NFIB: variants seen among roughly 807,000 people sequenced by gnomAD.
The protein encoded by NFIB is nuclear factor I B.
Under a neutral mutation model 61.5 loss-of-function variants are expected in NFIB, and 11 were observed. That is an observed-to-expected ratio of 0.18 (90% CI 0.11 to 0.30). The LOEUF (loss-of-function observed/expected upper bound fraction) is 0.30, where lower values mean the gene tolerates loss of function less well. Ranked by LOEUF, NFIB falls within the 10% of genes least tolerant of loss-of-function variation. The pLI, the probability that NFIB is intolerant of heterozygous loss-of-function variation, is 1.00. For missense variants in NFIB, 471 were observed against 608.9 expected (o/e 0.77, Z 2.38); for synonymous variants, 260 against 216.5 (o/e 1.20, Z -1.76).
intron 2 of NFIB, among the ~76,000 whole-genome samples, chr9:14,231,120 GAAAAAAA>G (rs1188458970): frequency 1.5e-5 from 1 of 65,808 alleles, no homozygotes; most frequent in African/African-American, 5.8e-5. Flanking sequence ...TTTCCATGGG[GAAAAAAA>G]AAAAAAAAAT....
At position 14,179,255 on chromosome 9, in the gene NFIB, A is replaced by G. The variant is rs539233641; in HGVS notation, c.616+472T>C. 3.3e-5 allele frequency among the ~76,000 whole-genome samples: 5 copies of G among 152,310 alleles called. No individual in the cohort carries two copies. The South Asian group carries it at 6.2e-4, about 19-fold the overall frequency. On this transcript the variant is annotated intron_variant, in intron 3 of 10. Transcript: ENST00000380953. The stretch of plus-strand genomic sequence containing the variant: ...ATTATTTCCTGATTCTGGAGATCCA[A>G]TAAAAACTTTATGGAATAAAAAGTC...
chr9:14,531,548 G>A, the NFIB span, among the ~76,000 whole-genome samples: 2 of 152,238 alleles, frequency 1.3e-5, no homozygotes, highest in Admixed American at 1.3e-4. Flanking sequence ...AGGAGCTGCA[G>A]AAAGAAGTAC....
chr9:14,246,766 C>T (rs1241368675), intron 2 of NFIB, among the ~76,000 whole-genome samples: 2 of 152,150 alleles, frequency 1.3e-5, no homozygotes, highest in African/African-American at 4.8e-5. Flanking sequence ...GTGTGGTTCA[C>T]AGAAAACCAC....
At chr9:14,222,806 A>AAAAAAAAAAG (rs1253170447) in intron 2 of NFIB, among the ~76,000 whole-genome samples, 6 of 150,518 alleles carry the variant, frequency 4.0e-5, no homozygotes, top group Non-Finnish European at 7.4e-5. Flanking sequence ...AAAAAAAAAA[A>AAAAAAAAAAG]AAAGAAAGAA....
At chr9:14,436,545 A>G in the NFIB span, among the ~76,000 whole-genome samples, 1 of 152,154 alleles carries the variant, frequency 6.6e-6, no homozygotes, top group Non-Finnish European at 1.5e-5. Flanking sequence ...ACAGTTACCA[A>G]ATTTCTCCTG....
chr9:14,093,390 ATACTC>A, intron 10 of NFIB: 1 of 152,214 alleles, frequency 6.6e-6, no homozygotes, highest in South Asian at 2.1e-4. Context: ...AAGATAGTAA[ATACTC>A]TTTCAAGAAG....
intron 2 of NFIB, among the ~76,000 whole-genome samples, chr9:14,302,858 ACTG>A (rs1220011605): frequency 2.0e-5 from 3 of 152,162 alleles, no homozygotes; most frequent in Non-Finnish European, 4.4e-5. Context: ...TTTGGGTAGA[ACTG>A]CTAATCCTTC....
At chr9:14,251,804 C>T (rs1005386079) in intron 2 of NFIB, among the ~76,000 whole-genome samples, 5 of 152,192 alleles carry the variant, frequency 3.3e-5, no homozygotes, top group Non-Finnish European at 7.3e-5. Flanking sequence ...GCACATGGCA[C>T]ACTTAGAGAA....
At chr9:14,211,667 C>T (rs557642708) in intron 2 of NFIB, among the ~76,000 whole-genome samples, 29 of 152,336 alleles carry the variant, frequency 1.9e-4, no homozygotes, top group Non-Finnish European at 2.6e-4. Context: ...GAAGTTTACC[C>T]GTTTATATCA....
intron 1 of NFIB, among the ~76,000 whole-genome samples, chr9:14,383,594 T>C (rs1315026545): frequency 6.6e-6 from 1 of 152,220 alleles, no homozygotes; most frequent in East Asian, 1.9e-4. Context: ...CAAAATTATG[T>C]GATTCTTTTT....
chr9:14,529,120 A>C, the NFIB span, among the ~76,000 whole-genome samples: 1 of 152,106 alleles, frequency 6.6e-6, no homozygotes, highest in Non-Finnish European at 1.5e-5. Flanking sequence ...GTACTTGTTT[A>C]TTTTTAGCTG....
At chr9:14,147,378 C>T (rs867534124) in intron 5 of NFIB, among the ~76,000 whole-genome samples, 10 of 152,038 alleles carry the variant, frequency 6.6e-5, no homozygotes, top group African/African-American at 1.7e-4. Flanking sequence ...CAAAGGCAGA[C>T]GGTTGGAAGA....
chr9:14,445,660 T>A, the NFIB span, among the ~76,000 whole-genome samples: 1 of 152,208 alleles, frequency 6.6e-6, no homozygotes, highest in Admixed American at 6.5e-5. Context: ...CAAACTTGCA[T>A]TTCTGAAATT....
chr9:14,297,689 G>A (rs1367178349), intron 2 of NFIB, among the ~76,000 whole-genome samples: 1 of 152,122 alleles, frequency 6.6e-6, no homozygotes, highest in Non-Finnish European at 1.5e-5. Context: ...TACGCAACAC[G>A]CAAGTAAGGA....
chr9:14,456,236 T>C, the NFIB span, among the ~76,000 whole-genome samples: 2 of 151,608 alleles, frequency 1.3e-5, no homozygotes, highest in South Asian at 4.1e-4. Flanking sequence ...ATTTAAGGCA[T>C]GAAAGTGAAT....
chr9:14,437,682 G>A, the NFIB span, among the ~76,000 whole-genome samples: 1 of 152,172 alleles, frequency 6.6e-6, no homozygotes, highest in Non-Finnish European at 1.5e-5. Context: ...GAGGGCCCGG[G>A]ACCGGAGGGG....
chr9:14,128,750 C>T (rs1278747656), intron 6 of NFIB, among the ~76,000 whole-genome samples: 3 of 151,006 alleles, frequency 2.0e-5, no homozygotes, highest in Non-Finnish European at 4.4e-5. Context: ...AGAACAGTGT[C>T]GTTCTGGGTA....
intron 6 of NFIB, 128 bp from the exon 7 acceptor site, chr9:14,125,894 A>G: frequency 8.0e-7 from 1 of 1,255,236 alleles, no homozygotes; most frequent in South Asian, 1.6e-5. Context: ...TACAAAATAT[A>G]TTCTGAGTGT....
intron 2 of NFIB, among the ~76,000 whole-genome samples, chr9:14,267,554 C>A (rs963623398): frequency 2.0e-5 from 3 of 152,152 alleles, no homozygotes; most frequent in Admixed American, 2.0e-4. Flanking sequence ...AAGACCTTAG[C>A]CAACAAAGAC....
Sources: gnomAD v4.1 joint callset for allele counts (sites outside exome capture counted in the v4.1 genomes callset) on GRCh38, gnomAD v4.1.1 for gene constraint, MANE v1.5 for transcripts, NCBI Gene and HGNC (gene_info 2026-07-23, HGNC 2026-07-21) for gene names.